Variants in RFX3 observed in about 807,000 individuals in gnomAD.
RFX3 encodes transcription factor RFX3.
Under a neutral mutation model 98.6 loss-of-function variants are expected in RFX3, and 14 were observed. That is an observed-to-expected ratio of 0.14 (90% CI 0.09 to 0.22). The LOEUF (loss-of-function observed/expected upper bound fraction) is 0.22, where lower values mean the gene tolerates loss of function less well. Among genes scored for constraint, RFX3 ranks in the 10% least tolerant of loss-of-function variants. RFX3 has a pLI of 1.00. For missense variants in RFX3, 639 were observed against 926.9 expected, an observed-to-expected ratio of 0.69 and a Z score of 4.03; for synonymous variants, 383 against 328.4, an observed-to-expected ratio of 1.17 and a Z score of -1.80.
intron 1 of RFX3, among the ~76,000 whole-genome samples, chr9:3,407,725 T>C (rs997225547): frequency 1.3e-5 from 2 of 152,202 alleles, no homozygotes; most frequent in Non-Finnish European, 2.9e-5. Flanking sequence ...ATCCAGTTAA[T>C]AGTTTTCCGT....
At chr9:3,384,912 T>A (rs1839547951) in intron 2 of RFX3, among the ~76,000 whole-genome samples, 1 of 152,158 alleles carries the variant, frequency 6.6e-6, no homozygotes, top group Non-Finnish European at 1.5e-5. Context: ...TTCCTTTTAT[T>A]CCCTCACTGT....
At chr9:3,404,831 G>A (rs1244317045) in intron 1 of RFX3, among the ~76,000 whole-genome samples, 1 of 152,066 alleles carries the variant, frequency 6.6e-6, no homozygotes, top group Non-Finnish European at 1.5e-5. Flanking sequence ...AATACATTAA[G>A]TGTAACATCC....
At chr9:3,277,592 TC>T in intron 7 of RFX3, 131 bp from the exon 8 acceptor site, 1 of 705,166 alleles carries the variant, frequency 1.4e-6, no homozygotes, top group Non-Finnish European at 2.2e-6. Flanking sequence ...AGGATTTTTT[TC>T]CTTGATAGTC....
At chr9:3,483,547 C>T (rs1849993116) in intron 1 of RFX3, among the ~76,000 whole-genome samples, 1 of 152,170 alleles carries the variant, frequency 6.6e-6, no homozygotes, top group African/African-American at 2.4e-5. Context: ...CTAAGACAGG[C>T]CATAGTGGCC....
At chr9:3,475,638 A>G (rs1849177950) in intron 1 of RFX3, among the ~76,000 whole-genome samples, 1 of 152,230 alleles carries the variant, frequency 6.6e-6, no homozygotes, top group African/African-American at 2.4e-5. Flanking sequence ...TGCATATCAG[A>G]GACTTTTAGT....
chr9:3,397,431 G>A (rs1261070854), intron 1 of RFX3, among the ~76,000 whole-genome samples: 1 of 152,166 alleles, frequency 6.6e-6, no homozygotes, highest in Middle Eastern at 3.2e-3. Context: ...AGTTTTTCAA[G>A]GAGAAAATTA....
At position 3,488,335 on chromosome 9, in the gene RFX3, G is replaced by A. The variant is rs796986268; in HGVS notation, c.-9+37412C>T. Among the ~76,000 whole-genome samples, 12 of 152,214 alleles carry A rather than the reference G, an allele frequency of 7.9e-5. 1 individual carries two copies. Among genetic ancestry groups the A allele is most frequent in the African/African-American group, 2.9e-4 (12 of 41,542 alleles). Reference sequence around the variant, plus strand: ...TAAACTATTTTTGATAAATAAGTTTGTAAGTACTTTTAATAAAAGTATACT... The same window carrying A: ...TAAACTATTTTTGATAAATAAGTTTATAAGTACTTTTAATAAAAGTATACT... On this transcript the variant is annotated intron_variant, in intron 1 of 16. Coordinates refer to ENST00000617270, the MANE Select transcript of RFX3 (RefSeq NM_001282116.2).
intron 1 of RFX3, among the ~76,000 whole-genome samples, chr9:3,504,944 A>ATATATAATATATCTT (rs1564185928): frequency 5.1e-5 from 3 of 59,328 alleles, no homozygotes; most frequent in African/African-American, 3.0e-4. Flanking sequence ...TAATATATAT[A>ATATATAATATATCTT]ATATAATATA....
chr9:3,338,002 A>C (rs1427954170), intron 3 of RFX3, among the ~76,000 whole-genome samples: 1 of 152,180 alleles, frequency 6.6e-6, no homozygotes, highest in Non-Finnish European at 1.5e-5. Context: ...TGAGTTTCAA[A>C]ACAGATATTC....
At chr9:3,423,776 T>TATAAA in intron 1 of RFX3, among the ~76,000 whole-genome samples, 1 of 96,816 alleles carries the variant, frequency 1.0e-5, no homozygotes, top group Non-Finnish European at 2.0e-5. Flanking sequence ...ATTATATATT[T>TATAAA]TCATATATAT....
chr9:3,377,158 A>G (rs1197078981), intron 2 of RFX3, among the ~76,000 whole-genome samples: 12 of 152,234 alleles, frequency 7.9e-5, no homozygotes, highest in South Asian at 2.1e-4. Flanking sequence ...TGTTTATTGC[A>G]GCACTATTCA....
chr9:3,497,310 ATTC>A (rs1416710129), intron 1 of RFX3, among the ~76,000 whole-genome samples: 1 of 152,038 alleles, frequency 6.6e-6, no homozygotes, highest in Non-Finnish European at 1.5e-5. Flanking sequence ...GCCACAAGGA[ATTC>A]TTCTCTAAAT....
chr9:3,302,346 C>T (rs573415975), intron 4 of RFX3, among the ~76,000 whole-genome samples: 1 of 151,852 alleles, frequency 6.6e-6, no homozygotes, highest in East Asian at 1.9e-4. Flanking sequence ...GAAATCTCAG[C>T]ATACCATGTA....
At chr9:3,349,725 T>A (rs1247147958) in intron 2 of RFX3, among the ~76,000 whole-genome samples, 1 of 152,082 alleles carries the variant, frequency 6.6e-6, no homozygotes, top group African/African-American at 2.4e-5. Flanking sequence ...CATACACACC[T>A]CATTCTAAGA....
At chr9:3,505,092 T>C (rs1816795927) in intron 1 of RFX3, among the ~76,000 whole-genome samples, 1 of 96,762 alleles carries the variant, frequency 1.0e-5, no homozygotes, top group South Asian at 3.4e-4. Context: ...AAATATTTTA[T>C]ATATTTAGAT....
chr9:3,304,219 A>C (rs1829012814), intron 4 of RFX3, among the ~76,000 whole-genome samples: 1 of 152,028 alleles, frequency 6.6e-6, no homozygotes, highest in Non-Finnish European at 1.5e-5. Context: ...AGCATACAAA[A>C]AATTAACATG....
chr9:3,288,378 T>G (rs1458726488), intron 6 of RFX3, 128 bp from the exon 7 acceptor site: 1 of 694,846 alleles, frequency 1.4e-6, no homozygotes, highest in African/African-American at 1.8e-5. Context: ...TACATATTTA[T>G]GATTAACCTG....
intron 16 of RFX3, among the ~76,000 whole-genome samples, 178 bp from the exon 17 acceptor site, chr9:3,225,458 T>C (rs1008890853): frequency 6.6e-6 from 1 of 152,228 alleles, no homozygotes; most frequent in African/African-American, 2.4e-5. Context: ...AATGCTGTAC[T>C]GATGCATCTA....
At chr9:3,516,074 AGTCTTGCTCT>A (rs898123625) in intron 1 of RFX3, among the ~76,000 whole-genome samples, 1 of 151,826 alleles carries the variant, frequency 6.6e-6, no homozygotes, top group East Asian at 1.9e-4. Flanking sequence ...TTTGAGATGG[AGTCTTGCTCT>A]GTTGCCCAGA....
Sources: allele counts gnomAD v4.1 joint callset (sites outside exome capture counted in the v4.1 genomes callset), GRCh38; gene constraint gnomAD v4.1.1; transcripts MANE v1.5; gene names NCBI Gene and HGNC (gene_info 2026-07-23, HGNC 2026-07-21).